GEMIN8: variants seen among roughly 807,000 people sequenced by gnomAD.
The protein encoded by GEMIN8 is gem nuclear organelle associated protein 8.
For missense variants in GEMIN8, 185 were observed against 205.9 expected, an observed-to-expected ratio of 0.90 and a Z score of 0.62; for synonymous variants, 80 against 78.5, an observed-to-expected ratio of 1.02 and a Z score of -0.10.
intron 4 of GEMIN8, among the ~76,000 whole-genome samples, chrX:14,012,108 T>C (rs1923590193): frequency 1.8e-5 from 2 of 110,011 alleles, no homozygotes; most frequent in Non-Finnish European, 3.8e-5. Context: ...TTGTTTTTCA[T>C]TCCCATTCAG....
chrX:14,013,386 T>A (rs1923693746), intron 4 of GEMIN8, among the ~76,000 whole-genome samples: 2 of 112,513 alleles, frequency 1.8e-5, no homozygotes, highest in Non-Finnish European at 3.8e-5. Context: ...AGATAATTTG[T>A]TTTAATATGA....
chrX:14,022,198 G>A (rs2147138346), intron 2 of GEMIN8, among the ~76,000 whole-genome samples: 1 of 109,132 alleles, frequency 9.2e-6, no homozygotes, highest in South Asian at 4.0e-4. Flanking sequence ...TGAGGCTTGA[G>A]GGGAACACAT....
At chrX:14,017,177 G>C (rs1054012104) in intron 4 of GEMIN8, among the ~76,000 whole-genome samples, 1 of 110,430 alleles carries the variant, frequency 9.1e-6, no homozygotes, top group African/African-American at 3.3e-5. Context: ...GAAGGCAGGG[G>C]GCTTACAGGA....
At position 14,007,408 on chromosome X, in the gene GEMIN8, T is replaced by C. The variant is rs867327397; in HGVS notation, c.*1505A>G. 5.7e-4 allele frequency among the ~76,000 whole-genome samples: 64 copies of C among 112,645 alleles called. No homozygotes were observed. The highest frequency in any genetic ancestry group is 2.0e-3 in the African/African-American group (63 of 31,045). ...TGGCTTTTATAAATGACCTGCTCCA[T>C]CAGCTTTTAGATTTCATTTTCAGAA... On this transcript the variant is annotated 3_prime_UTR_variant, in exon 5 of 5. Coordinates refer to ENST00000680255, the MANE Select transcript of GEMIN8 (RefSeq NM_001042479.2).
chrX:14,014,852 G>A (rs1032508068), intron 4 of GEMIN8, among the ~76,000 whole-genome samples: 1 of 111,422 alleles, frequency 9.0e-6, no homozygotes, highest in African/African-American at 3.3e-5. Context: ...AGTGAACTAA[G>A]TCCTTTTTTC....
rs1603192493 is a variant in GEMIN8 at position 14,014,397 on chromosome X, T to C, written c.473-5228A>G. 22 of 753,373 alleles carry C rather than the reference T, an allele frequency of 2.9e-5. No individual in the cohort carries two copies. The South Asian group carries it at 1.0e-3, about 35-fold the overall frequency. The allele number at this position is 753,373 out of a possible 1,213,427, so 62.1% of individuals were successfully genotyped here. On this transcript the variant is annotated intron_variant, in intron 4 of 4. Coordinates refer to ENST00000680255, the MANE Select transcript of GEMIN8 (RefSeq NM_001042479.2). ...TCTTCGTCGCACATCCCTTGCCCCA[T>C]GACAAATGTAATCCTGAAGTTACTG...
At position 14,008,811 on chromosome X, in the gene GEMIN8, C is replaced by T; in HGVS notation, c.*102G>A. On this transcript the variant is annotated 3_prime_UTR_variant, in exon 5 of 5. Transcript: ENST00000680255. Reference sequence around the variant, plus strand: ...GGGACTGTGGTGAACATGCCTGTACCCCAGTACAAAGTCCCCTTTCCCTAA... The same window carrying T: ...GGGACTGTGGTGAACATGCCTGTACTCCAGTACAAAGTCCCCTTTCCCTAA... The T allele has an allele frequency of 1.2e-5, 10 of 826,681 alleles. No homozygotes were observed. The South Asian group carries it at 2.4e-4, about 20-fold the overall frequency. The allele number at this position is 826,681 out of a possible 1,213,427, so 68.1% of individuals were successfully genotyped here.
downstream of GEMIN8, among the ~76,000 whole-genome samples, chrX:14,005,154 T>G (rs959561045): frequency 9.0e-6 from 1 of 111,149 alleles, no homozygotes; most frequent in Non-Finnish European, 1.9e-5. Context: ...CTAAATGCTT[T>G]GGAATTTCCT....
chrX:14,028,581 A>C (rs1460649138), intron 1 of GEMIN8, among the ~76,000 whole-genome samples: 1 of 109,372 alleles, frequency 9.1e-6, no homozygotes, highest in African/African-American at 3.3e-5. Flanking sequence ...TTAACTGTTC[A>C]AAACTTTCCC....
rs189944094 is a variant in GEMIN8 at position 14,029,684 on chromosome X, C to A, written c.-116+93G>T. On this transcript the variant is annotated intron_variant, in intron 1 of 4. Coordinates refer to ENST00000680255, the MANE Select transcript of GEMIN8 (RefSeq NM_001042479.2). ...ATGAGAGCAACGTGACGTCCAAGACCTCGGCTCTCTGCGCATCAGAAGAAG... is the reference window on the plus strand; with the variant it reads ...ATGAGAGCAACGTGACGTCCAAGACATCGGCTCTCTGCGCATCAGAAGAAG... The A allele has an allele frequency of 1.1e-3, 125 of 112,924 alleles. 1 individual carries two copies. Among genetic ancestry groups the A allele is most frequent in the African/African-American group, 3.9e-3 (123 of 31,171 alleles). 9.3% of individuals were successfully genotyped at this position (112,924 alleles called of 1,213,427 possible). A position where few individuals can be genotyped will look rare whatever the true frequency, so the allele number is the denominator to read the frequency against.
chrX:14,026,070 C>T, intron 2 of GEMIN8, 70 bp downstream of exon 2: 1 of 746,846 alleles, frequency 1.3e-6, no homozygotes, highest in Non-Finnish European at 1.6e-6. Flanking sequence ...GAAAAGAGAG[C>T]TGATGGTTGC....
At chrX:14,012,556 C>T (rs374299011) in intron 4 of GEMIN8, among the ~76,000 whole-genome samples, 3 of 111,356 alleles carry the variant, frequency 2.7e-5, no homozygotes, top group African/African-American at 6.5e-5. Flanking sequence ...CTGTCACCTG[C>T]GACCTACCCT....
At chrX:14,005,000 C>G (rs1923093137), downstream of GEMIN8, among the ~76,000 whole-genome samples, 1 of 111,679 alleles carries the variant, frequency 9.0e-6, no homozygotes, top group Non-Finnish European at 1.9e-5. Flanking sequence ...TGCCTGCCCC[C>G]CATTGTGTGA....
intron 2 of GEMIN8, among the ~76,000 whole-genome samples, chrX:14,025,020 A>C (rs910737415): frequency 9.0e-6 from 1 of 111,550 alleles, no homozygotes; most frequent in Admixed American, 9.5e-5. Context: ...CTAAATCCCA[A>C]AATGTACTTG....
chrX:14,016,115 G>A (rs55684024), intron 4 of GEMIN8, among the ~76,000 whole-genome samples: 128 of 111,663 alleles, frequency 1.1e-3, no homozygotes, highest in African/African-American at 3.6e-3. Context: ...TAATATAGAC[G>A]AAGTCTTTAG....
At chrX:14,015,506 T>C (rs955775242) in intron 4 of GEMIN8, among the ~76,000 whole-genome samples, 4 of 112,074 alleles carry the variant, frequency 3.6e-5, no homozygotes, top group Non-Finnish European at 7.5e-5. Flanking sequence ...TTTTTTATCC[T>C]TGAAATATGT....
chrX:14,025,466 G>A (rs1162179800), intron 2 of GEMIN8, among the ~76,000 whole-genome samples: 1 of 111,477 alleles, frequency 9.0e-6, no homozygotes, highest in Non-Finnish European at 1.9e-5. Context: ...ACATTTTGAA[G>A]TTGTATAGAT....
chrX:14,024,157 G>A (rs933531595), intron 2 of GEMIN8, among the ~76,000 whole-genome samples: 6 of 112,266 alleles, frequency 5.3e-5, no homozygotes, highest in Admixed American at 1.9e-4. Flanking sequence ...AGGAGTTCAA[G>A]GGTAATTGAT....
chrX:13,999,327 A>G, the GEMIN8 span, among the ~76,000 whole-genome samples: 320 of 90,474 alleles, frequency 3.5e-3, 1 homozygote, highest in Non-Finnish European at 5.9e-3. Flanking sequence ...CCCAGGCTGG[A>G]GTGCAATGGT....
Sources: gnomAD v4.1 joint callset for allele counts (sites outside exome capture counted in the v4.1 genomes callset) on GRCh38, gnomAD v4.1.1 for gene constraint, MANE v1.5 for transcripts, NCBI Gene and HGNC (gene_info 2026-07-23, HGNC 2026-07-21) for gene names.